STXBP5: variants seen among roughly 807,000 people sequenced by gnomAD.
STXBP5 encodes syntaxin-binding protein 5.
Under a neutral mutation model 152.4 loss-of-function variants are expected in STXBP5, and 50 were observed. That is an observed-to-expected ratio of 0.33 (90% CI 0.26 to 0.42). The LOEUF is 0.42. STXBP5 is among the 10% of genes least tolerant of loss of function. STXBP5 has a pLI of 1.00. For synonymous variants in STXBP5, 492 were observed against 494.7 expected (o/e 0.99, Z 0.07); for missense variants, 1,167 against 1,388.6 (o/e 0.84, Z 2.54).
rs1262897665 is a variant in STXBP5, at chr6:147,324,983, G to A, written c.1827G>A (p.Gln609=). 6.3e-7 allele frequency: 1 copy of A among 1,590,488 alleles called. No homozygotes were observed. The highest frequency in any genetic ancestry group is 8.6e-7 in the Non-Finnish European group (1 of 1,165,952). The change falls in exon 17 of 28, where the codon CAG becomes CAA. Residue 609 remains glutamine (Q), a synonymous_variant. Transcript: ENST00000321680. The part of the protein sequence containing the change: ...CLKVKNSPLK[Q]SPGYQTELVI... ...GAGTTAAAAACTCACCACTTAAACAGTCTCCAGGTTATCAAACAGAACTAG... is the reference window on the plus strand; with the variant it reads ...GAGTTAAAAACTCACCACTTAAACAATCTCCAGGTTATCAAACAGAACTAG...
chr6:147,333,610 C>T (rs78990506), intron 18 of STXBP5, among the ~76,000 whole-genome samples: 1 of 152,160 alleles, frequency 6.6e-6, no homozygotes, highest in Non-Finnish European at 1.5e-5. Flanking sequence ...AAATGGGAAA[C>T]TTTTCTTAGA....
intron 23 of STXBP5, among the ~76,000 whole-genome samples, chr6:147,362,168 C>T (rs1785097471): frequency 6.6e-6 from 1 of 151,962 alleles, no homozygotes; most frequent in Admixed American, 6.6e-5. Flanking sequence ...TAGAAGGCTG[C>T]AACCTTACTA....
At position 147,320,577 on chromosome 6, in the gene STXBP5, G is replaced by GTGTGTGTGTT. The variant is rs766858715; in HGVS notation, c.1802+4179_1802+4180insTTGTGTGTGT. ...AGTGTGTGTGTGTGTGTGTGTGTGT[G>GTGTGTGTGTT]TGTGTGTGTGTGTGTGTACACATGC... On this transcript the variant is annotated intron_variant, in intron 16 of 27. Coordinates refer to ENST00000321680, the MANE Select transcript of STXBP5 (RefSeq NM_001127715.4). Among the ~76,000 whole-genome samples the GTGTGTGTGTT allele has an allele frequency of 1.4e-3, 180 of 131,186 alleles. 1 individual carries two copies. Among genetic ancestry groups the GTGTGTGTGTT allele is most frequent in the Admixed American group, 3.4e-3 (43 of 12,496 alleles). The allele number at this position is 131,186 out of a possible 152,430, so 86.1% of individuals were successfully genotyped here.
chr6:147,373,787 A>G lies in STXBP5; in HGVS notation c.3138A>G (p.Gly1046=). Residue 1046 remains glycine (G), a synonymous_variant, in exon 26 of 28, where the codon GGA becomes GGG. Coordinates refer to ENST00000321680, the MANE Select transcript of STXBP5 (RefSeq NM_001127715.4). ...PVETPEAPNR[G]FFKGLFGGGA... The stretch of plus-strand genomic sequence containing the variant: ...AAACACCTGAAGCACCAAACAGGGG[A>G]TTCTTTAAAGGCTTATTTGGAGGTG... 1.2e-6 allele frequency: 2 copies of G among 1,613,894 alleles called. No homozygotes were observed. The highest frequency in any genetic ancestry group is 1.7e-6 in the Non-Finnish European group (2 of 1,179,870).
intron 9 of STXBP5, among the ~76,000 whole-genome samples, chr6:147,299,723 A>G (rs1285293871): frequency 6.6e-6 from 1 of 152,074 alleles, no homozygotes; most frequent in Non-Finnish European, 1.5e-5. Flanking sequence ...ACAGTACATT[A>G]AAAAGATCAT....
intron 21 of STXBP5, among the ~76,000 whole-genome samples, chr6:147,352,493 C>G (rs139605486): frequency 4.9e-4 from 75 of 152,270 alleles, no homozygotes; most frequent in African/African-American, 1.7e-3. Context: ...CACGTGTAAT[C>G]CCAACTACTC....
intron 6 of STXBP5, among the ~76,000 whole-genome samples, chr6:147,263,830 T>G (rs1245238890): frequency 6.6e-6 from 1 of 152,040 alleles, no homozygotes. Context: ...TTTTCTTTCT[T>G]TCACATTTAT....
At chr6:147,255,911 TA>T (rs1484617941) in intron 4 of STXBP5, among the ~76,000 whole-genome samples, 1 of 152,202 alleles carries the variant, frequency 6.6e-6, no homozygotes. Context: ...AGATACATGA[TA>T]AGCAGGTATT....
chr6:147,346,832 A>G (rs547033820), intron 21 of STXBP5, among the ~76,000 whole-genome samples: 1 of 152,288 alleles, frequency 6.6e-6, no homozygotes, highest in Admixed American at 6.5e-5. Flanking sequence ...AAATTGGTCA[A>G]AAGATACAAA....
intron 2 of STXBP5, among the ~76,000 whole-genome samples, chr6:147,207,557 G>A (rs2115015952): frequency 6.6e-6 from 1 of 152,256 alleles, no homozygotes; most frequent in South Asian, 2.1e-4. Flanking sequence ...AGGGTTGTGT[G>A]AAGACGGGAA....
intron 4 of STXBP5, among the ~76,000 whole-genome samples, chr6:147,252,373 C>T (rs548006257): frequency 3.9e-5 from 6 of 151,960 alleles, no homozygotes; most frequent in South Asian, 2.1e-4. Context: ...ACCAGTTTAG[C>T]GAAGAACATA....
At chr6:147,375,210 A>T (rs1785751138) in intron 26 of STXBP5, among the ~76,000 whole-genome samples, 1 of 152,200 alleles carries the variant, frequency 6.6e-6, no homozygotes, top group South Asian at 2.1e-4. Context: ...AGGCAGAAGG[A>T]TAGATACTTC....
At chr6:147,325,785 G>A (rs1783219955) in intron 17 of STXBP5, among the ~76,000 whole-genome samples, 2 of 151,688 alleles carry the variant, frequency 1.3e-5, no homozygotes, top group African/African-American at 2.4e-5. Flanking sequence ...TTTTCTTGCT[G>A]GTAGCTCCCA....
At position 147,319,036 on chromosome 6, in the gene STXBP5, A is replaced by T. The variant is rs117690527; in HGVS notation, c.1802+2629A>T. Among the ~76,000 whole-genome samples the T allele has an allele frequency of 1.8e-3, 281 of 152,238 alleles. 10 individuals are homozygous for T. In the East Asian group the frequency reaches 0.051, roughly 28 times the overall value. ...GTGACCATCCTTAATTTCTGTCAAG[A>T]TGTTCTAGACTTGCTTTGAATACTA... On this transcript the variant is annotated intron_variant, in intron 16 of 27. Coordinates refer to ENST00000321680, the MANE Select transcript of STXBP5 (RefSeq NM_001127715.4).
intron 16 of STXBP5, among the ~76,000 whole-genome samples, chr6:147,320,363 C>G (rs1407662545): frequency 2.0e-5 from 3 of 152,114 alleles, no homozygotes; most frequent in Non-Finnish European, 4.4e-5. Context: ...CCTGGGCAGA[C>G]TTGCTCCCAA....
chr6:147,290,939 A>T (rs1445045597), intron 8 of STXBP5, among the ~76,000 whole-genome samples, 155 bp from the exon 9 acceptor site: 1 of 152,188 alleles, frequency 6.6e-6, no homozygotes, highest in African/African-American at 2.4e-5. Context: ...TCATTTAAAA[A>T]ATATCTTACT....
At position 147,334,807 on chromosome 6, in the gene STXBP5, A is replaced by G. The variant is rs1783747685; in HGVS notation, c.2146+585A>G. Among the ~76,000 whole-genome samples the G allele has an allele frequency of 2.0e-5, 3 of 152,028 alleles. No homozygotes were observed. In the South Asian group the frequency reaches 6.2e-4, roughly 31 times the overall value. On this transcript the variant is annotated intron_variant, in intron 19 of 27. Transcript: ENST00000321680. ...ATTAAGAAGATCTTGAATTTATTTTATTTTGGTGGATTGATCCTTTTCTAA... is the reference window on the plus strand; with the variant it reads ...ATTAAGAAGATCTTGAATTTATTTTGTTTTGGTGGATTGATCCTTTTCTAA...
intron 19 of STXBP5, among the ~76,000 whole-genome samples, chr6:147,337,306 C>T (rs1446820257): frequency 6.6e-6 from 1 of 151,560 alleles, no homozygotes; most frequent in Non-Finnish European, 1.5e-5. Flanking sequence ...TAAATGGTGC[C>T]TTCAAGTGCA....
intron 2 of STXBP5, among the ~76,000 whole-genome samples, chr6:147,222,976 A>T (rs542793089): frequency 5.8e-4 from 89 of 152,264 alleles, no homozygotes; most frequent in African/African-American, 2.1e-3. Flanking sequence ...GCAAGTTGTG[A>T]TTCTCTGTAT....
Sources: allele counts gnomAD v4.1 joint callset (sites outside exome capture counted in the v4.1 genomes callset), GRCh38; gene constraint gnomAD v4.1.1; transcripts MANE v1.5; gene names NCBI Gene and HGNC (gene_info 2026-07-23, HGNC 2026-07-21).